Variants in CD302 observed in about 807,000 individuals in gnomAD.
CD302 encodes the protein CD302 antigen.
Under a neutral mutation model 26.5 loss-of-function variants are expected in CD302, and 23 were observed. That is an observed-to-expected ratio of 0.87 (90% confidence interval 0.62 to 1.23). The LOEUF (loss-of-function observed/expected upper bound fraction) is 1.23. Ranked by LOEUF, CD302 falls within the 50% of genes most tolerant of loss-of-function variation. The pLI is 0.00. For missense variants in CD302, 290 were observed against 275.5 expected (o/e 1.05, Z -0.37); for synonymous variants, 90 against 99.4 (o/e 0.91, Z 0.56).
chr2:159,781,965 A>G (rs925449553), intron 2 of CD302, among the ~76,000 whole-genome samples: 1 of 152,132 alleles, frequency 6.6e-6, no homozygotes, highest in Non-Finnish European at 1.5e-5. Flanking sequence ...AGAATATAAC[A>G]GTAATAAAAA....
intron 5 of CD302, among the ~76,000 whole-genome samples, chr2:159,773,768 A>G (rs990213229): frequency 2.0e-5 from 3 of 152,214 alleles, no homozygotes; most frequent in Admixed American, 2.0e-4. Context: ...ATAGTTTTAC[A>G]TTAGGAAATG....
intron 5 of CD302, 39 bp from the exon 6 acceptor site, chr2:159,772,092 G>A (rs62175194): frequency 1.3e-6 from 2 of 1,597,040 alleles, no homozygotes; most frequent in African/African-American, 1.3e-5. Context: ...GGGAAATTAG[G>A]GTACACAAGT....
intron 1 of CD302, among the ~76,000 whole-genome samples, chr2:159,795,116 G>A (rs1363298947): frequency 6.6e-6 from 1 of 151,462 alleles, no homozygotes; most frequent in African/African-American, 2.4e-5. Context: ...CCAGCTACTC[G>A]GGAGGCTGAG....
At chr2:159,772,364 A>G (rs532658581) in intron 5 of CD302, among the ~76,000 whole-genome samples, 1 of 152,318 alleles carries the variant, frequency 6.6e-6, no homozygotes, top group South Asian at 2.1e-4. Context: ...ATCTAAGACT[A>G]CAAATTCAGA....
At chr2:159,776,147 C>T (rs1708316854) in intron 5 of CD302, among the ~76,000 whole-genome samples, 1 of 151,580 alleles carries the variant, frequency 6.6e-6, no homozygotes, top group Non-Finnish European at 1.5e-5. Flanking sequence ...GCCACTGCGC[C>T]CGGCCTGTGC....
chr2:159,783,394 C>T lies in CD302; in HGVS notation c.143G>A (p.Ser48Asn). 6.2e-7 allele frequency: 1 copy of T among 1,611,766 alleles called. No individual in the cohort carries two copies. Reference sequence around the variant, plus strand: ...ACACTGATTTCTGACATCCTCTATGCTTTCTACTTTGATGGCTTCTTGGAG... The same window carrying T: ...ACACTGATTTCTGACATCCTCTATGTTTTCTACTTTGATGGCTTCTTGGAG... Reference protein sequence around the residue: ...IFLQEAIKVESIEDVRNQCTD... With the variant: ...IFLQEAIKVENIEDVRNQCTD... Residue 48 changes from serine to asparagine, a missense_variant, in exon 2 of 6, where the codon AGC becomes AAC. Ser to Asn is a conservative substitution (Grantham distance 46, BLOSUM62 1). Transcript: ENST00000259053.
In CD302 at chr2:159,776,012, C is replaced by CTTTTTTTTTTTTTTTTTT. The variant is rs71406197; in HGVS notation, c.496+1908_496+1925dup. Among the ~76,000 whole-genome samples, 128 of 81,250 alleles carry CTTTTTTTTTTTTTTTTTT rather than the reference C, an allele frequency of 1.6e-3. 24 individuals carry two copies. The highest frequency in any genetic ancestry group is 2.1e-3 in the South Asian group (4 of 1,904). 53.3% of individuals were successfully genotyped at this position (81,250 alleles called of 152,430 possible). Reference sequence around the variant, plus strand: ...TGCAGCCTCTGCCTCCGGGTTTCAACTTTTTTTTTTTTTTTTTTAAAGTAG... The same window carrying CTTTTTTTTTTTTTTTTTT: ...TGCAGCCTCTGCCTCCGGGTTTCAACTTTTTTTTTTTTTTTTTTTTTTTTTTTTTTTTTTTTAAAGTAG... On this transcript the variant is annotated intron_variant, in intron 5 of 5. Coordinates refer to ENST00000259053, the MANE Select transcript of CD302 (RefSeq NM_014880.5).
chr2:159,798,183 G>A lies in CD302; in HGVS notation c.16C>T (p.Leu6=). Residue 6 remains leucine, a synonymous_variant, in exon 1 of 6, where the codon CTG becomes TTG. Coordinates refer to ENST00000259053, the MANE Select transcript of CD302 (RefSeq NM_014880.5). MLRAA[L]PALLLPLLGL... The stretch of plus-strand genomic sequence containing the variant: ...AGCAACGGCAGCAGGAGCGCGGGCA[G>A]CGCGGCCCGGAGCATGACGGCGGGT... 1.4e-6 allele frequency: 2 copies of A among 1,477,358 alleles called. No homozygotes were observed. Among genetic ancestry groups the A allele is most frequent in the Non-Finnish European group, 1.8e-6 (2 of 1,119,834 alleles). The allele number at this position is 1,477,358 out of a possible 1,614,324, so 91.5% of individuals were successfully genotyped here.
At position 159,771,441 on chromosome 2, in the gene CD302, T is replaced by C. The variant is rs917035396; in HGVS notation, c.*410A>G. ...AAAAAAATAACAATTATCAAAGATATTTAAATGTATGGGATGTACTTAAAA... is the reference window on the plus strand; with the variant it reads ...AAAAAAATAACAATTATCAAAGATACTTAAATGTATGGGATGTACTTAAAA... On this transcript the variant is annotated 3_prime_UTR_variant, in exon 6 of 6. Coordinates refer to ENST00000259053, the MANE Select transcript of CD302 (RefSeq NM_014880.5). The C allele has an allele frequency of 1.9e-5, 3 of 154,374 alleles. No individual in the cohort carries two copies. The highest frequency in any genetic ancestry group is 7.2e-5 in the African/African-American group (3 of 41,480). 9.6% of individuals were successfully genotyped at this position (154,374 alleles called of 1,614,324 possible). A position where few individuals can be genotyped will look rare whatever the true frequency, so the allele number is the denominator to read the frequency against.
Position 159,769,464 on chromosome 2 carries a change from G to A in CD302, c.*2387C>T, listed in dbSNP as rs1390150841. On this transcript the variant is annotated 3_prime_UTR_variant, in exon 6 of 6. Transcript: ENST00000259053. ...TTGAGACCAGCCCAGTCAATATGGC[G>A]AAACCCCGTCTCTACCAAAAATACA... is the stretch of plus-strand genomic sequence containing the variant. 1.3e-5 allele frequency: 2 copies of A among 152,192 alleles called. No individual in the cohort carries two copies. Among genetic ancestry groups the A allele is most frequent in the South Asian group, 2.1e-4 (1 of 4,832 alleles). 9.4% of individuals were successfully genotyped at this position (152,192 alleles called of 1,614,324 possible). A position where few individuals can be genotyped will look rare whatever the true frequency, so the allele number is the denominator to read the frequency against.
At chr2:159,789,355 G>C (rs1708748043) in intron 1 of CD302, among the ~76,000 whole-genome samples, 1 of 151,864 alleles carries the variant, frequency 6.6e-6, no homozygotes, top group African/African-American at 2.4e-5. Flanking sequence ...TAATGTCAGT[G>C]ATTTTTCAGT....
Position 159,771,825 on chromosome 2 carries a change from T to C in CD302, c.*26A>G. 6.2e-7 allele frequency: 1 copy of C among 1,609,890 alleles called. No homozygotes were observed. Among genetic ancestry groups the C allele is most frequent in the Non-Finnish European group, 8.5e-7 (1 of 1,176,892 alleles). On this transcript the variant is annotated 3_prime_UTR_variant, in exon 6 of 6. Transcript: ENST00000259053. ...TATCTCTGCCAGGGCATTTTGTTGA[T>C]GTCTTAGTGCAAGATTACCAAAAAC...
At position 159,771,698 on chromosome 2, in the gene CD302, C is replaced by CTT. The variant is rs3836181; in HGVS notation, c.*151_*152dup. The CTT allele has an allele frequency of 1.1e-6, 1 of 888,244 alleles. No individual in the cohort carries two copies. Among genetic ancestry groups the CTT allele is most frequent in the Non-Finnish European group, 1.7e-6 (1 of 598,198 alleles). 55.0% of individuals were successfully genotyped at this position (888,244 alleles called of 1,614,324 possible). Reference sequence around the variant, plus strand: ...CCTGTTTTTTTAATGAACCTAAAGACTTTTCACAGCAGATGAGTACATAAA... The same window carrying CTT: ...CCTGTTTTTTTAATGAACCTAAAGACTTTTTTCACAGCAGATGAGTACATAAA... On this transcript the variant is annotated 3_prime_UTR_variant, in exon 6 of 6. Coordinates refer to ENST00000259053, the MANE Select transcript of CD302 (RefSeq NM_014880.5).
chr2:159,797,753 G>A (rs1682502866), intron 1 of CD302, among the ~76,000 whole-genome samples: 1 of 152,100 alleles, frequency 6.6e-6, no homozygotes, highest in Non-Finnish European at 1.5e-5. Flanking sequence ...CGCCACCAAC[G>A]TCCCCGCTTC....
At chr2:159,778,046 AAAAT>A (rs1239842111) in intron 4 of CD302, 82 bp from the exon 5 acceptor site, 1 of 535,116 alleles carries the variant, frequency 1.9e-6, no homozygotes, top group Non-Finnish European at 2.8e-6. Context: ...ACAATCATTA[AAAAT>A]AAACCCTTTT....
intron 2 of CD302, among the ~76,000 whole-genome samples, chr2:159,782,602 G>A (rs926684269): frequency 6.6e-6 from 1 of 151,528 alleles, no homozygotes; most frequent in African/African-American, 2.4e-5. Flanking sequence ...GCGCACGCCT[G>A]TAGTCCTGTC....
chr2:159,788,968 T>G (rs1291976803), intron 1 of CD302, among the ~76,000 whole-genome samples: 1 of 152,152 alleles, frequency 6.6e-6, no homozygotes, highest in Non-Finnish European at 1.5e-5. Flanking sequence ...TCATTCTTCC[T>G]GGTTTATTAA....
At chr2:159,774,557 C>T (rs1708254320) in intron 5 of CD302, among the ~76,000 whole-genome samples, 1 of 152,170 alleles carries the variant, frequency 6.6e-6, no homozygotes, top group Non-Finnish European at 1.5e-5. Context: ...AAATGACTTG[C>T]CCAAGTCCAT....
chr2:159,771,721 A>G lies in CD302; in HGVS notation c.*130T>C, dbSNP rs1209294240. 5 of 1,098,050 alleles carry G rather than the reference A, an allele frequency of 4.6e-6. No homozygotes were observed. The highest frequency in any genetic ancestry group is 6.4e-6 in the Non-Finnish European group (5 of 778,076). The allele number at this position is 1,098,050 out of a possible 1,614,324, so 68.0% of individuals were successfully genotyped here. ...GACTTTTCACAGCAGATGAGTACAT[A>G]AAAATGTTACTGGAATAAGGAATAC... On this transcript the variant is annotated 3_prime_UTR_variant, in exon 6 of 6. Coordinates refer to ENST00000259053, the MANE Select transcript of CD302 (RefSeq NM_014880.5).
Sources: allele counts gnomAD v4.1 joint callset (sites outside exome capture counted in the v4.1 genomes callset), GRCh38; gene constraint gnomAD v4.1.1; transcripts MANE v1.5; gene names NCBI Gene and HGNC (gene_info 2026-07-23, HGNC 2026-07-21).